The following PFKFB3 variants were observed in gnomAD, a reference collection of about 807,000 sequenced individuals.
PFKFB3 encodes 6-phosphofructo-2-kinase/fructose-2,6-bisphosphatase 3.
Under a neutral mutation model 68.0 loss-of-function variants are expected in PFKFB3, and 33 were observed. The ratio of observed to expected loss-of-function variants is 0.49; its 90% confidence interval spans 0.37 to 0.65. The LOEUF is 0.65. Ranked by LOEUF, PFKFB3 falls within the 30% of genes least tolerant of loss-of-function variation. The probability of loss-of-function intolerance (pLI) is 0.00; values close to 1 mark genes in which losing one functional copy is unlikely to be tolerated. For missense variants in PFKFB3, 586 were observed against 712.2 expected, an observed-to-expected ratio of 0.82 and a Z score of 2.02; for synonymous variants, 315 against 288.2, an observed-to-expected ratio of 1.09 and a Z score of -0.94.
At chr10:6,197,111 AG>A (rs138634409) in intron 1 of PFKFB3, among the ~76,000 whole-genome samples, 4,669 of 151,858 alleles carry the variant, frequency 0.031, 208 homozygotes, top group African/African-American at 0.1. Flanking sequence ...CAGCCTCCCA[AG>A]TAGCTAGGAT....
chr10:6,250,347 C>G (rs190562868), intron 14 of PFKFB3, among the ~76,000 whole-genome samples: 4 of 152,016 alleles, frequency 2.6e-5, no homozygotes, highest in African/African-American at 9.7e-5. Flanking sequence ...GGGCAGATCA[C>G]GAGATCAGGC....
intron 1 of PFKFB3, among the ~76,000 whole-genome samples, chr10:6,190,704 GCTC>G (rs1842999545): frequency 6.6e-6 from 1 of 152,120 alleles, no homozygotes; most frequent in Admixed American, 6.5e-5. Flanking sequence ...TTTAGAATAG[GCTC>G]GTGTGTTTCT....
Position 6,232,912 on chromosome 10 carries a change from G to GAGC in PFKFB3, c.1537_1539dup (p.Ser513dup). On this transcript the variant is annotated inframe_insertion, in exon 15 of 15. Transcript: ENST00000379775. ...GAAAACAGAACATGAAAGGCTCCCG[G>GAGC]AGCAGCGCTGACTCCTCCAGGAAAC... is the stretch of plus-strand genomic sequence containing the variant. 1 of 1,613,450 alleles carries GAGC rather than the reference G, an allele frequency of 6.2e-7. No homozygotes were observed. Among genetic ancestry groups the GAGC allele is most frequent in the East Asian group, 2.2e-5 (1 of 44,888 alleles).
chr10:6,213,479 C>A, intron 1 of PFKFB3, 144 bp from the exon 2 acceptor site: 1 of 890,128 alleles, frequency 1.1e-6, no homozygotes, highest in Non-Finnish European at 1.7e-6. Context: ...TGGTGGCCAC[C>A]GTGCTCCCGC....
At chr10:6,179,067 C>T (rs550495304) in intron 1 of PFKFB3, among the ~76,000 whole-genome samples, 10 of 152,380 alleles carry the variant, frequency 6.6e-5, no homozygotes, top group South Asian at 2.1e-4. Context: ...GTGCCCAACA[C>T]GTGCCTGCCG....
At chr10:6,255,075 C>T (rs1846475380), downstream of PFKFB3, among the ~76,000 whole-genome samples, 1 of 151,656 alleles carries the variant, frequency 6.6e-6, no homozygotes, top group African/African-American at 2.4e-5. Context: ...CCTCGGTCTC[C>T]CAAAGTGCTG....
downstream of PFKFB3, among the ~76,000 whole-genome samples, chr10:6,256,133 C>T (rs1275809771): frequency 3.3e-5 from 5 of 152,288 alleles, no homozygotes; most frequent in Admixed American, 3.3e-4. Flanking sequence ...CCTTTCTAAC[C>T]CTGAGAGTTT....
Position 6,242,592 on chromosome 10 carries a change from A to ATTTTTTT in PFKFB3, c.1516-11579_1516-11573dup, listed in dbSNP as rs377078975. On this transcript the variant is annotated intron_variant, in intron 14 of 14. Coordinates refer to the PFKFB3 transcript ENST00000640683. ...TGCCCTGAAGCAGTGTTCTGTAAAC[A>ATTTTTTT]TTTTTTTTTTTTTGAGACGGAGTCT... is the stretch of plus-strand genomic sequence containing the variant. 5.5e-3 allele frequency among the ~76,000 whole-genome samples: 802 copies of ATTTTTTT among 145,768 alleles called. 9 individuals carry two copies. The highest frequency in any genetic ancestry group is 0.045 in the South Asian group (187 of 4,178).
chr10:6,302,793 CAT>C, the PFKFB3 span, among the ~76,000 whole-genome samples: 1,621 of 145,052 alleles, frequency 0.011, 36 homozygotes, highest in African/African-American at 0.034. Context: ...TACACATACA[CAT>C]ATATATATAT....
chr10:6,224,548 A>C (rs1157002951), intron 13 of PFKFB3: 1 of 472,254 alleles, frequency 2.1e-6, no homozygotes, highest in Non-Finnish European at 4.1e-6. Flanking sequence ...TGGCGCAGTC[A>C]CGGCTCACTG....
the PFKFB3 span, among the ~76,000 whole-genome samples, chr10:6,267,370 G>A: frequency 2.0e-5 from 3 of 152,236 alleles, no homozygotes; most frequent in African/African-American, 7.2e-5. Flanking sequence ...GGAACTGTGG[G>A]TTTCACTGGC....
chr10:6,257,031 A>T (rs1319218592), downstream of PFKFB3, among the ~76,000 whole-genome samples: 2 of 152,240 alleles, frequency 1.3e-5, no homozygotes, highest in African/African-American at 4.8e-5. Context: ...TCACAACAGC[A>T]TCATATTTAA....
downstream of PFKFB3, among the ~76,000 whole-genome samples, chr10:6,238,598 G>A (rs1413917733): frequency 6.6e-6 from 1 of 151,222 alleles, no homozygotes; most frequent in African/African-American, 2.4e-5. Flanking sequence ...ACATGTGCAG[G>A]ATGTATAGAC....
the PFKFB3 span, among the ~76,000 whole-genome samples, chr10:6,262,019 C>CAAAAAAAAAAAAAAAAAAA: frequency 2.1e-5 from 3 of 144,700 alleles, no homozygotes; most frequent in Non-Finnish European, 1.5e-5. Context: ...AAACAAAAAA[C>CAAAAAAAAAAAAAAAAAAA]AAAAAAAAAA....
rs758627997 is a variant in PFKFB3, at chr10:6,220,037, G to A, written c.623+344G>A. On this transcript the variant is annotated intron_variant, in intron 7 of 14. Transcript: ENST00000379775. This position sits in a 1 kb window ranked among gnomAD's most constrained non-coding sequence, Gnocchi z 4.1. ...AGCCTGATTTTGCTACTGTCCCTCC[G>A]ATAGTTCCTTTCTTTTTTCTTTCCT... Among the ~76,000 whole-genome samples, 12 of 152,212 alleles carry A rather than the reference G, an allele frequency of 7.9e-5. No individual in the cohort carries two copies. Among genetic ancestry groups the A allele is most frequent in the Admixed American group, 2.0e-4 (3 of 15,282 alleles).
At chr10:6,219,934 C>A (rs1844837747) in intron 7 of PFKFB3, among the ~76,000 whole-genome samples, 1 of 152,094 alleles carries the variant, frequency 6.6e-6, no homozygotes, top group Non-Finnish European at 1.5e-5. Context: ...CTTTTAAAAA[C>A]AATCCTTGAT....
upstream of PFKFB3, among the ~76,000 whole-genome samples, chr10:6,201,592 C>A (rs1307476797): frequency 6.6e-6 from 1 of 151,198 alleles, no homozygotes. The surrounding 1 kb of genome is among the most constrained non-coding windows in gnomAD (Gnocchi z 4.1). Flanking sequence ...GGGGCGGGAG[C>A]AGCCCCGGTC....
At chr10:6,232,731 C>T (rs910767650) in intron 14 of PFKFB3, among the ~76,000 whole-genome samples, 164 bp from the exon 15 acceptor site, 1 of 152,176 alleles carries the variant, frequency 6.6e-6, no homozygotes, top group East Asian at 1.9e-4. Context: ...CACCTGGGCT[C>T]TCTCCCGCCT....
intron 1 of PFKFB3, among the ~76,000 whole-genome samples, chr10:6,170,578 CT>C (rs1419532844): frequency 6.6e-6 from 1 of 152,210 alleles, no homozygotes; most frequent in South Asian, 2.1e-4. Flanking sequence ...AGACTAGAAA[CT>C]TTCAACCACA....
Sources: allele counts gnomAD v4.1 joint callset (sites outside exome capture counted in the v4.1 genomes callset), GRCh38; gene constraint gnomAD v4.1.1; non-coding constraint Gnocchi (gnomAD v3.1); transcripts MANE v1.5; gene names NCBI Gene and HGNC (gene_info 2026-07-23, HGNC 2026-07-21).